PPP2R5B: variants seen among roughly 807,000 people sequenced by gnomAD.
The protein encoded by PPP2R5B is protein phosphatase 2 regulatory subunit B'beta.
A neutral mutation model predicts 59.9 loss-of-function variants in PPP2R5B; 19 were observed. The observed-to-expected ratio is 0.32, with a 90% CI of 0.22 to 0.47. The LOEUF is 0.47. Ranked by LOEUF, PPP2R5B falls within the 20% of genes least tolerant of loss-of-function variation. PPP2R5B has a pLI of 1.00. For synonymous variants in PPP2R5B, 286 were observed against 260.5 expected (o/e 1.10, Z -0.94); for missense variants, 441 against 640.2 (o/e 0.69, Z 3.36).
At chr11:64,932,963 G>T (rs1945243650) in intron 12 of PPP2R5B, 71 bp downstream of exon 12, 4 of 1,588,652 alleles carry the variant, frequency 2.5e-6, no homozygotes, top group Admixed American at 3.4e-5. Flanking sequence ...CCGACCCCAG[G>T]GTTACTCCTA....
intron 3 of PPP2R5B, among the ~76,000 whole-genome samples, chr11:64,927,292 G>A (rs114816355): frequency 0.017 from 2,533 of 152,364 alleles, 69 homozygotes; most frequent in African/African-American, 0.057. Flanking sequence ...TAGAAGGCAG[G>A]GATGTGTCCC....
Position 64,925,385 on chromosome 11 carries a change from C to A in PPP2R5B, c.-264-86C>A, listed in dbSNP as rs187034228. The A allele has an allele frequency of 1.0e-3, 234 of 226,540 alleles. 1 individual carries two copies. Among genetic ancestry groups the A allele is most frequent in the African/African-American group, 4.5e-3 (194 of 42,762 alleles). 14.0% of individuals were successfully genotyped at this position (226,540 alleles called of 1,614,324 possible). A position where few individuals can be genotyped will look rare whatever the true frequency, so the allele number is the denominator to read the frequency against. On this transcript the variant is annotated intron_variant, in intron 1 of 13. Coordinates refer to ENST00000164133, the MANE Select transcript of PPP2R5B (RefSeq NM_006244.4). The surrounding 1 kb of genome is among the most constrained non-coding windows in gnomAD (Gnocchi z 4.6). ...GGAGGGAAAAGACCTGGGCACTCCA[C>A]GCAGCCTCCCGGCTCTCCTGAGGAA...
In PPP2R5B at chr11:64,927,811, A is replaced by T; in HGVS notation, c.406A>T (p.Asn136Tyr). 1 of 1,604,330 alleles carries T rather than the reference A, an allele frequency of 6.2e-7. No homozygotes were observed. Among genetic ancestry groups the T allele is most frequent in the Non-Finnish European group, 8.5e-7 (1 of 1,171,118 alleles). The stretch of plus-strand genomic sequence containing the variant: ...CAACTCTGCCACTCAGATCTCAGTG[A>T]ATATCTTCCGGACTCTGCCGCCCAG... ...YPDIIRMISV[N>Y]IFRTLPPSEN... is the part of the protein sequence containing the mutation. The change falls in exon 4 of 14, where the codon AAT becomes TAT. Residue 136 changes from asparagine to tyrosine, a missense_variant. Around this residue, in one of 3 missense-constraint regions of PPP2R5B, gnomAD observed 268 missense variants for 488.1 expected, o/e 0.55. Transcript: ENST00000164133.
In PPP2R5B at chr11:64,925,818, G is replaced by A; in HGVS notation, c.84G>A (p.Val28=). 2 of 1,605,358 alleles carry A rather than the reference G, an allele frequency of 1.2e-6. No individual in the cohort carries two copies. Among genetic ancestry groups the A allele is most frequent in the Non-Finnish European group, 1.7e-6 (2 of 1,176,456 alleles). The change falls in exon 2 of 14, where the codon GTG becomes GTA. Residue 28 remains valine (V), a synonymous_variant. Transcript: ENST00000164133. The surrounding 1 kb of genome is among the most constrained non-coding windows in gnomAD (Gnocchi z 4.6). ...GLSPVPPPDK[V]DGFSRRSLRR... is the part of the protein sequence containing the mutation. ...CGCCTGTGCCCCCACCCGACAAGGT[G>A]GACGGCTTCTCCCGCCGTTCCCTCC...
Position 64,931,696 on chromosome 11 carries a change from G to A in PPP2R5B, c.997-53G>A. On this transcript the variant is annotated intron_variant, in intron 10 of 13. Transcript: ENST00000164133. The surrounding 1 kb of genome is among the most constrained non-coding windows in gnomAD (Gnocchi z 5.0). ...CAGTCAGGTGTGTGTATGTGTAGGG[G>A]GAGATGTGAGCTGCTGCCCCTCTGT... is the stretch of plus-strand genomic sequence containing the variant. 6.2e-7 allele frequency: 1 copy of A among 1,614,012 alleles called. No individual in the cohort carries two copies. Among genetic ancestry groups the A allele is most frequent in the Non-Finnish European group, 8.5e-7 (1 of 1,179,938 alleles).
chr11:64,925,601 G>C lies in PPP2R5B; in HGVS notation c.-134G>C, dbSNP rs990314502. 1.7e-6 allele frequency: 1 copy of C among 574,756 alleles called. No individual in the cohort carries two copies. Among genetic ancestry groups the C allele is most frequent in the African/African-American group, 1.9e-5 (1 of 51,624 alleles). The allele number at this position is 574,756 out of a possible 1,614,324, so 35.6% of individuals were successfully genotyped here. On this transcript the variant is annotated 5_prime_UTR_variant, in exon 2 of 14. Transcript: ENST00000164133. This position sits in a 1 kb window ranked among gnomAD's most constrained non-coding sequence, Gnocchi z 4.6. ...GCAGGAGGCCCTGGGGGGGGGCCCA[G>C]GACTGTGGTTGTGCCCCCCCCCCAA...
chr11:64,917,937 T>A (rs1417679788), intron 1 of PPP2R5B, among the ~76,000 whole-genome samples: 1 of 152,200 alleles, frequency 6.6e-6, no homozygotes, highest in Non-Finnish European at 1.5e-5. Context: ...TAATAATAGC[T>A]TTTCATATCT....
intron 1 of PPP2R5B, among the ~76,000 whole-genome samples, chr11:64,917,944 A>G (rs1160104935): frequency 6.6e-6 from 1 of 152,188 alleles, no homozygotes; most frequent in Admixed American, 6.5e-5. Flanking sequence ...AGCTTTTCAT[A>G]TCTCTAGTCC....
At chr11:64,928,179 T>G (rs1945189084) in intron 5 of PPP2R5B, 21 bp downstream of exon 5, 1 of 1,613,982 alleles carries the variant, frequency 6.2e-7, no homozygotes, top group South Asian at 1.1e-5. Context: ...GAGCCCAGGC[T>G]GGGTGGTACC....
Position 64,926,758 on chromosome 11 carries a change from C to T in PPP2R5B, c.246C>T (p.Ala82=), listed in dbSNP as rs1409730522. The T allele has an allele frequency of 2.5e-6, 4 of 1,614,146 alleles. No homozygotes were observed. The South Asian group carries it at 3.3e-5, about 13-fold the overall frequency. Residue 82 remains alanine, a synonymous_variant, in exon 3 of 14, where the codon GCC becomes GCT. Coordinates refer to ENST00000164133, the MANE Select transcript of PPP2R5B (RefSeq NM_006244.4). ...ACGAGCTGCTGAGCCGGAAGCTGGC[C>T]CAGTGTGGGGTGATGTTTGACTTCT... ...ELHELLSRKL[A]QCGVMFDFLD...
chr11:64,929,693 T>G (rs1003112226), intron 6 of PPP2R5B, among the ~76,000 whole-genome samples: 2 of 152,200 alleles, frequency 1.3e-5, no homozygotes, highest in African/African-American at 4.8e-5. Flanking sequence ...GCCACTGCAC[T>G]CCTGCCTGGG....
chr11:64,926,814 A>T lies in PPP2R5B; in HGVS notation c.302A>T (p.Glu101Val). ...LDCVADLKGK[E>V]VKRAALNELV... is the part of the protein sequence containing the mutation. ...TGTGTGGCCGACCTCAAGGGGAAGG[A>T]GGTGAAGCGGGCAGCCCTCAACGAG... is the stretch of plus-strand genomic sequence containing the variant. The change falls in exon 3 of 14, where the codon GAG becomes GTG. Residue 101 changes from glutamate to valine, a missense_variant. Transcript: ENST00000164133. 1 of 1,614,042 alleles carries T rather than the reference A, an allele frequency of 6.2e-7. No individual in the cohort carries two copies. The highest frequency in any genetic ancestry group is 8.5e-7 in the Non-Finnish European group (1 of 1,179,992).
At position 64,933,679 on chromosome 11, in the gene PPP2R5B, C is replaced by T; in HGVS notation, c.1347-18C>T. ...GGGGGGCCCCAGGAAAGGGAGCTGC[C>T]TCACCCTCTCTCCCCAGGGAGCAGC... is the stretch of plus-strand genomic sequence containing the variant. On this transcript the variant is annotated intron_variant, in intron 13 of 13. Coordinates refer to ENST00000164133, the MANE Select transcript of PPP2R5B (RefSeq NM_006244.4). The T allele has an allele frequency of 1.9e-6, 3 of 1,546,038 alleles. No homozygotes were observed. Among genetic ancestry groups the T allele is most frequent in the Non-Finnish European group, 2.6e-6 (3 of 1,144,288 alleles).
Position 64,932,748 on chromosome 11 carries a change from C to T in PPP2R5B, c.1117-17C>T. The T allele has an allele frequency of 6.2e-7, 1 of 1,612,526 alleles. No individual in the cohort carries two copies. Among genetic ancestry groups the T allele is most frequent in the Non-Finnish European group, 8.5e-7 (1 of 1,179,116 alleles). On this transcript the variant is annotated splice_polypyrimidine_tract_variant and intron_variant, in intron 11 of 13. Transcript: ENST00000164133. ...AGCCACTGCCAGTTAATCACTCTGC[C>T]ATCTTGTCTGCCCCAGGTTGCAGAG...
rs1216558523 is a variant in PPP2R5B at position 64,926,719 on chromosome 11, G to A, written c.207G>A (p.Pro69=). 21 of 1,613,834 alleles carry A rather than the reference G, an allele frequency of 1.3e-5. No homozygotes were observed. The highest frequency in any genetic ancestry group is 1.6e-4 in the Middle Eastern group (1 of 6,082). The change falls in exon 3 of 14, where the codon CCG becomes CCA. Residue 69 remains proline, a synonymous_variant. Transcript: ENST00000164133. ...LTPLPLLKDV[P]ASELHELLSR... Reference sequence around the variant, plus strand: ...ATGCCCTCTCCTCCCCAGATGTGCCGGCTTCCGAGCTGCACGAGCTGCTGA... The same window carrying A: ...ATGCCCTCTCCTCCCCAGATGTGCCAGCTTCCGAGCTGCACGAGCTGCTGA...
chr11:64,928,878 G>C (rs578178508), intron 6 of PPP2R5B, among the ~76,000 whole-genome samples: 1 of 152,026 alleles, frequency 6.6e-6, no homozygotes, highest in African/African-American at 2.4e-5. Flanking sequence ...GCGACAGAGC[G>C]AGACGGATGA....
At chr11:64,918,649 A>C (rs189568660) in intron 1 of PPP2R5B, among the ~76,000 whole-genome samples, 36 of 148,174 alleles carry the variant, frequency 2.4e-4, no homozygotes, top group Non-Finnish European at 4.3e-4. Context: ...TATTTTATTT[A>C]TTTTTTTTGA....
intron 6 of PPP2R5B, among the ~76,000 whole-genome samples, chr11:64,929,893 C>T (rs1486203373): frequency 6.6e-6 from 1 of 152,188 alleles, no homozygotes; most frequent in Admixed American, 6.5e-5. Flanking sequence ...GATCCCTGTC[C>T]TCCTGCACCT....
chr11:64,918,605 A>G (rs1394708011), intron 1 of PPP2R5B, among the ~76,000 whole-genome samples: 2 of 151,988 alleles, frequency 1.3e-5, no homozygotes, highest in Non-Finnish European at 2.9e-5. Flanking sequence ...TGTTGGGATT[A>G]CAGGCACGAG....
Sources: allele counts gnomAD v4.1 joint callset (sites outside exome capture counted in the v4.1 genomes callset), GRCh38; gene constraint gnomAD v4.1.1; regional missense constraint gnomAD v4.1.1; non-coding constraint Gnocchi (gnomAD v3.1); transcripts MANE v1.5; gene names NCBI Gene and HGNC (gene_info 2026-07-23, HGNC 2026-07-21).